The following PAPSS1 variants were observed in gnomAD, a reference collection of about 807,000 sequenced individuals.
The protein encoded by PAPSS1 is bifunctional 3'-phosphoadenosine 5'-phosphosulfate synthase 1.
A neutral mutation model predicts 72.0 loss-of-function variants in PAPSS1; 50 were observed. That is an observed-to-expected ratio of 0.69 (90% confidence interval 0.55 to 0.88). The LOEUF (loss-of-function observed/expected upper bound fraction) is 0.88, where lower values mean the gene tolerates loss of function less well. Ranked by LOEUF, PAPSS1 falls within the 40% of genes least tolerant of loss-of-function variation. The pLI is 0.00. For missense variants in PAPSS1, 657 were observed against 782.2 expected, an observed-to-expected ratio of 0.84 and a Z score of 1.91; for synonymous variants, 261 against 263.6, an observed-to-expected ratio of 0.99 and a Z score of 0.09.
At chr4:107,699,455 CT>C (rs1723154772) in intron 2 of PAPSS1, among the ~76,000 whole-genome samples, 2 of 152,022 alleles carry the variant, frequency 1.3e-5, no homozygotes, top group Non-Finnish European at 2.9e-5. Flanking sequence ...AAGTGGAGAC[CT>C]GATATAAAAC....
At chr4:107,684,842 A>G (rs755763655) in intron 4 of PAPSS1, among the ~76,000 whole-genome samples, 3 of 152,266 alleles carry the variant, frequency 2.0e-5, no homozygotes, top group South Asian at 4.1e-4. Context: ...ACATGTTCTC[A>G]GGACCTCCTG....
At chr4:107,698,157 A>G (rs954976908) in intron 2 of PAPSS1, among the ~76,000 whole-genome samples, 1 of 152,190 alleles carries the variant, frequency 6.6e-6, no homozygotes, top group African/African-American at 2.4e-5. Context: ...AAAACAACAA[A>G]ATTTCCCTAA....
At chr4:107,615,779 A>C (rs1038322744) in intron 11 of PAPSS1, among the ~76,000 whole-genome samples, 20 of 152,216 alleles carry the variant, frequency 1.3e-4, no homozygotes, top group African/African-American at 4.3e-4. Context: ...TTAGGGAAGT[A>C]ATTAGAATTA....
chr4:107,615,820 T>G (rs1725806063), intron 11 of PAPSS1, among the ~76,000 whole-genome samples: 1 of 152,174 alleles, frequency 6.6e-6, no homozygotes, highest in Admixed American at 6.5e-5. Flanking sequence ...CCCCCTATGA[T>G]GGGATTAATC....
At chr4:107,651,165 T>C (rs1165675406) in intron 9 of PAPSS1, among the ~76,000 whole-genome samples, 1 of 151,946 alleles carries the variant, frequency 6.6e-6, no homozygotes, top group Non-Finnish European at 1.5e-5. Context: ...AGGAGTAAAG[T>C]ATAAAAGGAG....
chr4:107,656,050 T>C (rs1034857902), intron 7 of PAPSS1, among the ~76,000 whole-genome samples: 2 of 152,208 alleles, frequency 1.3e-5, no homozygotes, highest in Non-Finnish European at 2.9e-5. Flanking sequence ...TTACCAACAA[T>C]ATACAACACA....
chr4:107,705,151 A>T (rs1723308002), intron 1 of PAPSS1, among the ~76,000 whole-genome samples: 1 of 152,204 alleles, frequency 6.6e-6, no homozygotes, highest in African/African-American at 2.4e-5. Flanking sequence ...TGGCTTTGGT[A>T]TCAAGGTAAT....
chr4:107,638,614 T>C (rs748702734), intron 10 of PAPSS1, among the ~76,000 whole-genome samples: 1 of 152,114 alleles, frequency 6.6e-6, no homozygotes, highest in Non-Finnish European at 1.5e-5. Flanking sequence ...CTCCTCTTCC[T>C]GCCTCCCAAA....
rs576118087 is a variant in PAPSS1, at chr4:107,699,912, T to A, written c.175+1259A>T. Reference sequence around the variant, plus strand: ...CCATCTTGCAAAAATTATTTAACAATGAAATACAGACAATTAAAGACCATT... The same window carrying A: ...CCATCTTGCAAAAATTATTTAACAAAGAAATACAGACAATTAAAGACCATT... On this transcript the variant is annotated intron_variant, in intron 2 of 11. Coordinates refer to ENST00000265174, the MANE Select transcript of PAPSS1 (RefSeq NM_005443.5). Among the ~76,000 whole-genome samples the A allele has an allele frequency of 5.9e-5, 9 of 152,166 alleles. No homozygotes were observed. In the East Asian group the frequency reaches 1.7e-3, roughly 29 times the overall value.
intron 7 of PAPSS1, among the ~76,000 whole-genome samples, chr4:107,656,151 C>T (rs1289814300): frequency 3.3e-5 from 5 of 152,054 alleles, no homozygotes; most frequent in African/African-American, 7.2e-5. Flanking sequence ...CTCATCCTTT[C>T]GCCCAGGCTA....
At chr4:107,626,487 T>C (rs914725125) in intron 11 of PAPSS1, among the ~76,000 whole-genome samples, 2 of 152,218 alleles carry the variant, frequency 1.3e-5, no homozygotes, top group African/African-American at 4.8e-5. Context: ...GACTTTAATC[T>C]TGTAGTCCTA....
At chr4:107,630,965 A>T (rs1726211714) in intron 11 of PAPSS1, among the ~76,000 whole-genome samples, 3 of 152,178 alleles carry the variant, frequency 2.0e-5, no homozygotes, top group Non-Finnish European at 4.4e-5. Context: ...TCCATCTCTG[A>T]CACCTTTGCT....
chr4:107,662,017 C>T (rs1048708674), intron 5 of PAPSS1, among the ~76,000 whole-genome samples: 2 of 152,072 alleles, frequency 1.3e-5, no homozygotes, highest in African/African-American at 4.8e-5. Context: ...TCAGGCTCCT[C>T]CTACTGGTAA....
intron 10 of PAPSS1, among the ~76,000 whole-genome samples, chr4:107,640,116 TC>T (rs1726497099): frequency 6.6e-6 from 1 of 152,170 alleles, no homozygotes; most frequent in South Asian, 2.1e-4. Context: ...ACGTCACAGG[TC>T]TTAGCATTAT....
At chr4:107,677,994 C>T (rs1727702119) in intron 5 of PAPSS1, among the ~76,000 whole-genome samples, 1 of 152,036 alleles carries the variant, frequency 6.6e-6, no homozygotes, top group African/African-American at 2.4e-5. Context: ...AATGAGAACA[C>T]ATGGACACAG....
intron 5 of PAPSS1, among the ~76,000 whole-genome samples, chr4:107,669,436 G>C (rs569491142): frequency 6.6e-6 from 1 of 152,300 alleles, no homozygotes; most frequent in Non-Finnish European, 1.5e-5. Flanking sequence ...AGAAATAAAT[G>C]AATCTATATA....
At chr4:107,630,896 A>G (rs1726210442) in intron 11 of PAPSS1, among the ~76,000 whole-genome samples, 1 of 152,190 alleles carries the variant, frequency 6.6e-6, no homozygotes, top group African/African-American at 2.4e-5. Flanking sequence ...CCAATCCACA[A>G]TCCAAAATAC....
At chr4:107,641,180 T>C (rs1463720451) in intron 10 of PAPSS1, among the ~76,000 whole-genome samples, 2 of 152,210 alleles carry the variant, frequency 1.3e-5, no homozygotes, top group African/African-American at 4.8e-5. Flanking sequence ...GCTAAGTTTG[T>C]TTATTGAGAA....
intron 5 of PAPSS1, among the ~76,000 whole-genome samples, chr4:107,666,553 G>T (rs879822777): frequency 1.3e-5 from 2 of 152,098 alleles, no homozygotes; most frequent in African/African-American, 2.4e-5. Context: ...AAATGACAGA[G>T]AATTCTTAAC....
Sources: allele counts gnomAD v4.1 joint callset (sites outside exome capture counted in the v4.1 genomes callset), GRCh38; gene constraint gnomAD v4.1.1; transcripts MANE v1.5; gene names NCBI Gene and HGNC (gene_info 2026-07-23, HGNC 2026-07-21).